GRIN3A: variants seen among roughly 807,000 people sequenced by gnomAD.
GRIN3A encodes glutamate ionotropic receptor NMDA type subunit 3A, also known as glutamate receptor ionotropic, NMDA 3A.
Under a neutral mutation model 92.4 loss-of-function variants are expected in GRIN3A, and 47 were observed. The ratio of observed to expected loss-of-function variants is 0.51; its 90% confidence interval spans 0.40 to 0.65. GRIN3A has a LOEUF of 0.65. Ranked by LOEUF, GRIN3A falls within the 30% of genes least tolerant of loss-of-function variation. The pLI is 0.00. For missense variants in GRIN3A, 1,324 were observed against 1,393.1 expected (o/e 0.95, Z 0.79); for synonymous variants, 527 against 540.6 (o/e 0.97, Z 0.35).
chr9:101,636,750 CAAAT>C lies in GRIN3A; in HGVS notation c.2353-8353_2353-8350del, dbSNP rs1332369584. 2.0e-5 allele frequency among the ~76,000 whole-genome samples: 3 copies of C among 152,258 alleles called. No homozygotes were observed. In the East Asian group the frequency reaches 5.8e-4, roughly 29 times the overall value. On this transcript the variant is annotated intron_variant, in intron 3 of 8. Coordinates refer to ENST00000361820, the MANE Select transcript of GRIN3A (RefSeq NM_133445.3). ...AGTGCCAGTTTATAGAATTAAAAGA[CAAAT>C]AGCCCGTGACCTTTGGGTTTATAAA...
chr9:101,586,513 T>C (rs1827952664), intron 6 of GRIN3A, among the ~76,000 whole-genome samples: 1 of 152,066 alleles, frequency 6.6e-6, no homozygotes, highest in Non-Finnish European at 1.5e-5. Context: ...ATGGACATTC[T>C]CAATTAAAAG....
chr9:101,680,314 T>C (rs1445306500), intron 2 of GRIN3A, among the ~76,000 whole-genome samples: 1 of 152,244 alleles, frequency 6.6e-6, no homozygotes, highest in Non-Finnish European at 1.5e-5. Context: ...GTTGGGTTTT[T>C]TGAATGGACA....
chr9:101,615,488 C>G (rs1047494459), intron 5 of GRIN3A, among the ~76,000 whole-genome samples: 2 of 149,448 alleles, frequency 1.3e-5, no homozygotes, highest in African/African-American at 2.5e-5. Flanking sequence ...TCTTGAGTGG[C>G]TGGGACTACA....
intron 2 of GRIN3A, among the ~76,000 whole-genome samples, chr9:101,685,146 A>G (rs987182005): frequency 3.9e-5 from 6 of 152,182 alleles, no homozygotes; most frequent in Non-Finnish European, 5.9e-5. Flanking sequence ...TATTAACAAC[A>G]TTCTTTAAGG....
chr9:101,613,448 C>T lies in GRIN3A; in HGVS notation c.2694G>A (p.Gly898=). Residue 898 remains glycine, a synonymous_variant, in exon 6 of 9, where the codon GGG becomes GGA. Coordinates refer to ENST00000361820, the MANE Select transcript of GRIN3A (RefSeq NM_133445.3). ...ACTTGTCATGGAGCATATCCATAAA[C>T]CCATGTGACTTGTATTGACTGATTA... ...SELISQYKSH[G]FMDMLHDKWY... The T allele has an allele frequency of 6.2e-7, 1 of 1,614,134 alleles. No homozygotes were observed. Among genetic ancestry groups the T allele is most frequent in the South Asian group, 1.1e-5 (1 of 91,072 alleles).
chr9:101,673,567 G>A (rs887834066), intron 2 of GRIN3A, among the ~76,000 whole-genome samples: 52 of 152,054 alleles, frequency 3.4e-4, no homozygotes, highest in African/African-American at 1.2e-3. Flanking sequence ...TTTAATTATA[G>A]TCACCTGTAC....
At chr9:101,614,190 G>A (rs1024603280) in intron 5 of GRIN3A, among the ~76,000 whole-genome samples, 1 of 152,088 alleles carries the variant, frequency 6.6e-6, no homozygotes, top group Non-Finnish European at 1.5e-5. Flanking sequence ...AAACATTTTG[G>A]AAAGCAGTTT....
chr9:101,619,669 A>T lies in GRIN3A; in HGVS notation c.2614+3649T>A, dbSNP rs542082722. On this transcript the variant is annotated intron_variant, in intron 5 of 8. Coordinates refer to ENST00000361820, the MANE Select transcript of GRIN3A (RefSeq NM_133445.3). Reference sequence around the variant, plus strand: ...ACTCAGACTCCAGAGCCAGTGTTCCAAGCATTGCATTAAATAATTATTGGA... The same window carrying T: ...ACTCAGACTCCAGAGCCAGTGTTCCTAGCATTGCATTAAATAATTATTGGA... Among the ~76,000 whole-genome samples the T allele has an allele frequency of 8.5e-5, 13 of 152,330 alleles. No homozygotes were observed. In the East Asian group the frequency reaches 2.5e-3, roughly 29 times the overall value.
At chr9:101,668,211 A>G (rs1829268347) in intron 3 of GRIN3A, among the ~76,000 whole-genome samples, 1 of 148,204 alleles carries the variant, frequency 6.7e-6, no homozygotes, top group Non-Finnish European at 1.5e-5. Flanking sequence ...TATTTTTAAT[A>G]CTTTAGCATA....
intron 4 of GRIN3A, among the ~76,000 whole-genome samples, chr9:101,625,223 AT>A (rs1293155804): frequency 6.6e-6 from 1 of 152,088 alleles, no homozygotes; most frequent in Non-Finnish European, 1.5e-5. Flanking sequence ...AAAAGAAAGG[AT>A]TTTCTACCCT....
At chr9:101,715,657 A>G (rs1829935912) in intron 1 of GRIN3A, among the ~76,000 whole-genome samples, 2 of 152,188 alleles carry the variant, frequency 1.3e-5, no homozygotes, top group Admixed American at 6.5e-5. Flanking sequence ...GGAGACTCAT[A>G]AAAGTTTCAT....
rs1828010698 is a variant in GRIN3A at position 101,590,594 on chromosome 9, A to T, written c.2767-11234T>A. The stretch of plus-strand genomic sequence containing the variant: ...ATGGGGTTTCACCATGTTGGCCAGG[A>T]TGGTCTCGATCTCCTGACCTCGTGA... On this transcript the variant is annotated intron_variant, in intron 6 of 8. Coordinates refer to ENST00000361820, the MANE Select transcript of GRIN3A (RefSeq NM_133445.3). Among the ~76,000 whole-genome samples, 3 of 151,932 alleles carry T rather than the reference A, an allele frequency of 2.0e-5. No homozygotes were observed. In the South Asian group the frequency reaches 6.2e-4, roughly 32 times the overall value.
intron 3 of GRIN3A, among the ~76,000 whole-genome samples, chr9:101,657,837 T>C (rs1004232100): frequency 2.0e-5 from 3 of 151,930 alleles, no homozygotes; most frequent in Non-Finnish European, 2.9e-5. Flanking sequence ...AAGGGAGTAG[T>C]GATGGTAATG....
rs541144471 is a variant in GRIN3A, at chr9:101,733,078, C to T, written c.699+4203G>A. On this transcript the variant is annotated intron_variant, in intron 1 of 8. Transcript: ENST00000361820. ...TCTAATGGTACAAAATCCATGGTGC[C>T]TTCTGCAGCACCAGAAGATAAAACA... Among the ~76,000 whole-genome samples the T allele has an allele frequency of 5.5e-4, 84 of 152,278 alleles. 2 individuals carry two copies. Among genetic ancestry groups the T allele is most frequent in the African/African-American group, 1.9e-3 (79 of 41,558 alleles).
At chr9:101,716,483 A>C (rs567893099) in intron 1 of GRIN3A, among the ~76,000 whole-genome samples, 14 of 152,202 alleles carry the variant, frequency 9.2e-5, no homozygotes, top group Non-Finnish European at 1.9e-4. Flanking sequence ...AAGGTTTTCT[A>C]AACTTCATTT....
In GRIN3A at chr9:101,699,009, A is replaced by G. The variant is rs553800746; in HGVS notation, c.700-11809T>C. Among the ~76,000 whole-genome samples, 9 of 152,324 alleles carry G rather than the reference A, an allele frequency of 5.9e-5. No individual in the cohort carries two copies. In the East Asian group the frequency reaches 1.7e-3, roughly 29 times the overall value. ...GAAAGTTTTCTTTCTTCAATAGTAAATTAACTTTAGTTTAATGTAACTCTA... is the reference window on the plus strand; with the variant it reads ...GAAAGTTTTCTTTCTTCAATAGTAAGTTAACTTTAGTTTAATGTAACTCTA... On this transcript the variant is annotated intron_variant, in intron 1 of 8. Transcript: ENST00000361820.
At chr9:101,667,008 T>C (rs1345419837) in intron 3 of GRIN3A, among the ~76,000 whole-genome samples, 1 of 152,010 alleles carries the variant, frequency 6.6e-6, no homozygotes, top group Non-Finnish European at 1.5e-5. Flanking sequence ...CATGGATCTA[T>C]ATTGAAGTTC....
chr9:101,700,492 G>A (rs1475124273), intron 1 of GRIN3A, among the ~76,000 whole-genome samples: 1 of 152,142 alleles, frequency 6.6e-6, no homozygotes. Context: ...CATGTCTGAG[G>A]CACTGGCTGG....
intron 1 of GRIN3A, among the ~76,000 whole-genome samples, chr9:101,723,450 G>A (rs976472693): frequency 1.3e-5 from 2 of 152,194 alleles, no homozygotes; most frequent in African/African-American, 4.8e-5. Context: ...TAAAAGCAGC[G>A]TGGACCCAAA....
Sources: gnomAD v4.1 joint callset for allele counts (sites outside exome capture counted in the v4.1 genomes callset) on GRCh38, gnomAD v4.1.1 for gene constraint, MANE v1.5 for transcripts, NCBI Gene and HGNC (gene_info 2026-07-23, HGNC 2026-07-21) for gene names.